AVL9: variants seen among roughly 807,000 people sequenced by gnomAD.
AVL9 encodes the protein AVL9 cell migration associated.
A neutral mutation model predicts 79.2 loss-of-function variants in AVL9; 49 were observed. The ratio of observed to expected loss-of-function variants is 0.62; its 90% CI spans 0.49 to 0.79. The LOEUF is 0.79. AVL9 is among the 30% of genes least tolerant of loss of function. The pLI, the probability that AVL9 is intolerant of heterozygous loss-of-function variation, is 0.00. For missense variants in AVL9, 682 were observed against 776.8 expected, an observed-to-expected ratio of 0.88 and a Z score of 1.45; for synonymous variants, 299 against 280.6, an observed-to-expected ratio of 1.07 and a Z score of -0.65.
rs190990785 is a variant in AVL9 at position 32,585,522 on chromosome 7, T to G, written c.*1615T>G. 2 of 152,320 alleles carry G rather than the reference T, an allele frequency of 1.3e-5. No individual in the cohort carries two copies. Among genetic ancestry groups the G allele is most frequent in the Admixed American group, 1.3e-4 (2 of 15,302 alleles). 9.4% of individuals were successfully genotyped at this position (152,320 alleles called of 1,614,324 possible). A position where few individuals can be genotyped will look rare whatever the true frequency, so the allele number is the denominator to read the frequency against. On this transcript the variant is annotated 3_prime_UTR_variant, in exon 16 of 16. Coordinates refer to ENST00000318709, the MANE Select transcript of AVL9 (RefSeq NM_015060.3). The stretch of plus-strand genomic sequence containing the variant: ...ACTGCCTTTTAGTAACAAGGGATAC[T>G]TGGGAAATACATTGTGAGTATGATC...
chr7:32,552,106 A>T (rs963713245), intron 5 of AVL9, 123 bp from the exon 6 acceptor site: 42 of 624,990 alleles, frequency 6.7e-5, no homozygotes, highest in Admixed American at 5.8e-5. Context: ...GATTGTTTTT[A>T]AATTTAGCGC....
At chr7:32,539,986 T>A (rs1436889400) in intron 1 of AVL9, among the ~76,000 whole-genome samples, 1 of 152,228 alleles carries the variant, frequency 6.6e-6, no homozygotes, top group Non-Finnish European at 1.5e-5. Flanking sequence ...TCAAGATCCT[T>A]AATCATATCT....
intron 7 of AVL9, among the ~76,000 whole-genome samples, 164 bp from the exon 8 acceptor site, chr7:32,554,394 C>T (rs1789969037): frequency 6.6e-6 from 1 of 152,174 alleles, no homozygotes; most frequent in South Asian, 2.1e-4. Flanking sequence ...TTTAAGAGTA[C>T]ACAGGTAATA....
chr7:32,579,494 C>T (rs5008299), intron 13 of AVL9, among the ~76,000 whole-genome samples: 28 of 1,640 alleles, frequency 0.017, 4 homozygotes, highest in African/African-American at 0.067. Flanking sequence ...TAATATATTA[C>T]ATATTATATA....
chr7:32,529,149 C>T (rs1159212526), intron 1 of AVL9, among the ~76,000 whole-genome samples: 1 of 152,178 alleles, frequency 6.6e-6, no homozygotes, highest in African/African-American at 2.4e-5. Flanking sequence ...CATTAGCAGT[C>T]CATGAATGGG....
chr7:32,529,403 A>G (rs1228937781), intron 1 of AVL9, among the ~76,000 whole-genome samples: 3 of 152,228 alleles, frequency 2.0e-5, no homozygotes, highest in Non-Finnish European at 4.4e-5. Context: ...TTCAAAGTAC[A>G]GTTTGTGAAG....
At chr7:32,555,651 C>T (rs1335643571) in intron 8 of AVL9, among the ~76,000 whole-genome samples, 3 of 152,090 alleles carry the variant, frequency 2.0e-5, no homozygotes, top group Admixed American at 1.3e-4. Context: ...CCATATGGCC[C>T]GCAAAGCAAA....
Position 32,583,940 on chromosome 7 carries a change from G to A in AVL9, c.*33G>A, listed in dbSNP as rs746609978. The A allele has an allele frequency of 6.7e-7, 1 of 1,481,810 alleles. No individual in the cohort carries two copies. The highest frequency in any genetic ancestry group is 1.1e-5 in the South Asian group (1 of 87,924). 91.8% of individuals were successfully genotyped at this position (1,481,810 alleles called of 1,614,324 possible). A position where few individuals can be genotyped will look rare whatever the true frequency, so the allele number is the denominator to read the frequency against. On this transcript the variant is annotated 3_prime_UTR_variant, in exon 16 of 16. Transcript: ENST00000318709. ...GTCAGAGGCTGCTATTGCTTTCTGA[G>A]GTTTAAGTGTCCCCTGTCTGTCTGC... is the stretch of plus-strand genomic sequence containing the variant.
Position 32,579,463 on chromosome 7 carries a change from TA to T in AVL9, c.1689-755del, listed in dbSNP as rs370472042. 5.2e-4 allele frequency among the ~76,000 whole-genome samples: 2 copies of T among 3,862 alleles called. 1 individual carries two copies. The highest frequency in any genetic ancestry group is 8.5e-4 in the Non-Finnish European group (2 of 2,364). 2.5% of individuals were successfully genotyped at this position (3,862 alleles called of 152,430 possible). A position where few individuals can be genotyped will look rare whatever the true frequency, so the allele number is the denominator to read the frequency against. ...TATATATAATATATTATATATTATA[TA>T]TAATATATTATATTATATATAATAT... On this transcript the variant is annotated intron_variant, in intron 13 of 15. Coordinates refer to ENST00000318709, the MANE Select transcript of AVL9 (RefSeq NM_015060.3).
chr7:32,528,724 A>G (rs1412910653), intron 1 of AVL9, among the ~76,000 whole-genome samples: 1 of 152,176 alleles, frequency 6.6e-6, no homozygotes, highest in African/African-American at 2.4e-5. Context: ...TTAAATGTTT[A>G]TCATAGGCCG....
intron 15 of AVL9, chr7:32,581,440 A>G (rs1210811131): frequency 2.0e-5 from 3 of 152,342 alleles, no homozygotes; most frequent in African/African-American, 7.2e-5. Flanking sequence ...ACTTTATGCT[A>G]ACCAGTTTAA....
chr7:32,523,321 G>A (rs990541679), intron 1 of AVL9, among the ~76,000 whole-genome samples: 7 of 151,526 alleles, frequency 4.6e-5, no homozygotes, highest in African/African-American at 1.7e-4. Context: ...ACATTGCCTG[G>A]GGCAATGCTG....
At position 32,503,355 on chromosome 7, in the gene AVL9, TAG is replaced by T. The variant is rs1191292912; in HGVS notation, c.93+7559_93+7560del. On this transcript the variant is annotated intron_variant, in intron 1 of 15. Coordinates refer to ENST00000318709, the MANE Select transcript of AVL9 (RefSeq NM_015060.3). ...ATATCTATATATATAGATATAGATA[TAG>T]AGAGATATATATATATACACACACA... 5.1e-3 allele frequency among the ~76,000 whole-genome samples: 135 copies of T among 26,602 alleles called. 1 individual carries two copies. Among genetic ancestry groups the T allele is most frequent in the African/African-American group, 0.01 (119 of 11,796 alleles). 17.5% of individuals were successfully genotyped at this position (26,602 alleles called of 152,430 possible).
chr7:32,510,982 G>C (rs1217562927), intron 1 of AVL9, among the ~76,000 whole-genome samples: 1 of 142,174 alleles, frequency 7.0e-6, no homozygotes, highest in African/African-American at 2.6e-5. Flanking sequence ...CACAATCCTG[G>C]CACTTCTGAA....
chr7:32,573,077 G>A, intron 11 of AVL9, 122 bp from the exon 12 acceptor site: 1 of 705,146 alleles, frequency 1.4e-6, no homozygotes, highest in East Asian at 2.7e-5. Context: ...CTCACCTTTT[G>A]AGAATGCCAT....
chr7:32,543,080 A>G, intron 1 of AVL9, 61 bp from the exon 2 acceptor site: 1 of 1,598,210 alleles, frequency 6.3e-7, no homozygotes, highest in Non-Finnish European at 8.5e-7. Flanking sequence ...ATTTTTACCT[A>G]TCAGAATAAA....
At chr7:32,499,770 C>T (rs1194538880) in intron 1 of AVL9, among the ~76,000 whole-genome samples, 1 of 152,100 alleles carries the variant, frequency 6.6e-6, no homozygotes, top group Non-Finnish European at 1.5e-5. Context: ...CAACAGGCAC[C>T]AGTCTGTGAT....
At chr7:32,527,348 T>C (rs1788446781) in intron 1 of AVL9, among the ~76,000 whole-genome samples, 1 of 152,206 alleles carries the variant, frequency 6.6e-6, no homozygotes, top group Non-Finnish European at 1.5e-5. Flanking sequence ...GCCTGCTGGG[T>C]TAATACCCTC....
chr7:32,538,244 C>T (rs1056470691), intron 1 of AVL9: 4 of 152,218 alleles, frequency 2.6e-5, no homozygotes, highest in Admixed American at 1.3e-4. Flanking sequence ...TAGATTTCTA[C>T]ACCTGCCCTT....
Sources: gnomAD v4.1 joint callset for allele counts (sites outside exome capture counted in the v4.1 genomes callset) on GRCh38, gnomAD v4.1.1 for gene constraint, MANE v1.5 for transcripts, NCBI Gene and HGNC (gene_info 2026-07-23, HGNC 2026-07-21) for gene names.